Variants in SLC30A9 observed in about 807,000 individuals in gnomAD.
SLC30A9 encodes the protein solute carrier family 30 member 9, also known as proton-coupled zinc antiporter SLC30A9, mitochondrial.
SLC30A9 carries 58 observed loss-of-function variants against 87.5 expected under a neutral mutation model. That is an observed-to-expected ratio of 0.66 (90% CI 0.54 to 0.82). The LOEUF is 0.82. Ranked by LOEUF, SLC30A9 falls within the 40% of genes least tolerant of loss-of-function variation. The probability of loss-of-function intolerance (pLI) is 0.00; values close to 1 mark genes in which losing one functional copy is unlikely to be tolerated. For synonymous variants in SLC30A9, 234 were observed against 233.0 expected (o/e 1.00, Z -0.04); for missense variants, 557 against 679.1 (o/e 0.82, Z 2.00).
intron 8 of SLC30A9, among the ~76,000 whole-genome samples, chr4:42,039,886 TTAAA>T (rs1472849005): frequency 1.5e-5 from 2 of 131,706 alleles, no homozygotes; most frequent in East Asian, 2.6e-4. Flanking sequence ...TCTTTTATTC[TTAAA>T]TATATATATG....
In SLC30A9 at chr4:42,066,590, T is replaced by C. The variant is rs1239470214; in HGVS notation, c.1113T>C (p.Ala371=). The part of the protein sequence containing the change: ...LVAVNELRRN[A]RAKGMSFYKY... ...CTGTAAATGAACTTCGTAGGAATGC[T>C]CGGGCTAAAGGAATGTCATTTTACA... is the stretch of plus-strand genomic sequence containing the variant. Residue 371 remains alanine, a synonymous_variant, in exon 13 of 18, where the codon GCT becomes GCC. Coordinates refer to ENST00000264451, the MANE Select transcript of SLC30A9 (RefSeq NM_006345.4). The C allele has an allele frequency of 6.2e-7, 1 of 1,607,160 alleles. No homozygotes were observed. Among genetic ancestry groups the C allele is most frequent in the Non-Finnish European group, 8.5e-7 (1 of 1,175,940 alleles).
intron 1 of SLC30A9, among the ~76,000 whole-genome samples, chr4:42,000,304 C>T (rs1429312549): frequency 6.6e-6 from 1 of 152,058 alleles, no homozygotes; most frequent in African/African-American, 2.4e-5. Flanking sequence ...TAGGGCTGAA[C>T]AGTCAGAACA....
At chr4:42,024,499 TAGAA>T (rs1257200041) in intron 6 of SLC30A9, among the ~76,000 whole-genome samples, 3 of 152,362 alleles carry the variant, frequency 2.0e-5, no homozygotes, top group East Asian at 3.9e-4. Flanking sequence ...TTTTCACTGT[TAGAA>T]AGAATACATC....
At chr4:42,047,408 A>T (rs1256390653) in intron 8 of SLC30A9, among the ~76,000 whole-genome samples, 1 of 152,260 alleles carries the variant, frequency 6.6e-6, no homozygotes, top group South Asian at 2.1e-4. Flanking sequence ...TGCATCAAAA[A>T]GTGGGTGAAG....
intron 15 of SLC30A9, among the ~76,000 whole-genome samples, chr4:42,075,169 G>A (rs1718500664): frequency 7.2e-6 from 1 of 137,988 alleles, no homozygotes; most frequent in Admixed American, 7.7e-5. Context: ...TGCCTCCCAG[G>A]TTCAAGCAAT....
At chr4:42,039,785 CT>C (rs1351869417) in intron 8 of SLC30A9, among the ~76,000 whole-genome samples, 1 of 152,008 alleles carries the variant, frequency 6.6e-6, no homozygotes, top group Non-Finnish European at 1.5e-5. Flanking sequence ...TTCCCTCTAT[CT>C]TCTTGATTCC....
At chr4:42,040,327 A>G (rs538821328) in intron 8 of SLC30A9, among the ~76,000 whole-genome samples, 1 of 152,244 alleles carries the variant, frequency 6.6e-6, no homozygotes, top group Admixed American at 6.5e-5. Flanking sequence ...AGTGCTTAAC[A>G]TAGTACCTGC....
rs989797571 is a variant in SLC30A9, at chr4:42,079,765, G to A, written c.1662+1440G>A. ...TGGGATAACAGGCACCCACCACCAC[G>A]CCTGGCTAATTTTTGTTTTGTTTTG... On this transcript the variant is annotated intron_variant, in intron 17 of 17. Transcript: ENST00000264451. Among the ~76,000 whole-genome samples, 8 of 151,838 alleles carry A rather than the reference G, an allele frequency of 5.3e-5. No individual in the cohort carries two copies. In the East Asian group the frequency reaches 9.7e-4, roughly 18 times the overall value.
In SLC30A9 at chr4:42,049,013, A is replaced by G. The variant is rs112199491; in HGVS notation, c.738-364A>G. Among the ~76,000 whole-genome samples, 170 of 152,268 alleles carry G rather than the reference A, an allele frequency of 1.1e-3. 1 individual carries two copies. The highest frequency in any genetic ancestry group is 3.9e-3 in the African/African-American group (163 of 41,552). On this transcript the variant is annotated intron_variant, in intron 8 of 17. Coordinates refer to ENST00000264451, the MANE Select transcript of SLC30A9 (RefSeq NM_006345.4). The stretch of plus-strand genomic sequence containing the variant: ...GGTCTCACTCTCTTGCCTAGGCTGG[A>G]GTGCAGTGGCACGATCATAGCTCAC...
intron 6 of SLC30A9, chr4:42,029,185 G>T: frequency 1.1e-5 from 4 of 373,842 alleles, no homozygotes; most frequent in South Asian, 9.1e-5. Context: ...TTCCGACTGC[G>T]GCAGCTGCTG....
rs190840213 is a variant in SLC30A9 at position 41,996,500 on chromosome 4, A to G, written c.110-5116A>G. 1.9e-3 allele frequency among the ~76,000 whole-genome samples: 291 copies of G among 151,460 alleles called. 1 individual carries two copies. The highest frequency in any genetic ancestry group is 6.8e-3 in the African/African-American group (281 of 41,264). Reference sequence around the variant, plus strand: ...GCCTGTAATCCCAGCAAAATTTGGGAGGCCAAGGTAGGTAGATAACTTGAG... The same window carrying G: ...GCCTGTAATCCCAGCAAAATTTGGGGGGCCAAGGTAGGTAGATAACTTGAG... On this transcript the variant is annotated intron_variant, in intron 1 of 17. Coordinates refer to ENST00000264451, the MANE Select transcript of SLC30A9 (RefSeq NM_006345.4).
At chr4:42,082,112 G>T (rs1231806183) in intron 17 of SLC30A9, among the ~76,000 whole-genome samples, 2 of 151,920 alleles carry the variant, frequency 1.3e-5, no homozygotes, top group African/African-American at 4.8e-5. Context: ...AGCTACTCCG[G>T]AGGCTGAGGC....
rs1271236179 is a variant in SLC30A9 at position 42,087,719 on chromosome 4, T to TA, written c.*1594dup. On this transcript the variant is annotated 3_prime_UTR_variant, in exon 18 of 18. Coordinates refer to ENST00000264451, the MANE Select transcript of SLC30A9 (RefSeq NM_006345.4). The stretch of plus-strand genomic sequence containing the variant: ...TATATATAATTTGATACTCTATTCT[T>TA]ACAGTTTCAAATTCCTTATCCCTTC... 3 of 151,606 alleles carry TA rather than the reference T, an allele frequency of 2.0e-5. No homozygotes were observed. The highest frequency in any genetic ancestry group is 1.3e-4 in the Admixed American group (2 of 15,232). 9.4% of individuals were successfully genotyped at this position (151,606 alleles called of 1,614,324 possible). A position where few individuals can be genotyped will look rare whatever the true frequency, so the allele number is the denominator to read the frequency against.
At chr4:42,071,982 TTGTC>T (rs35974827) in intron 15 of SLC30A9, among the ~76,000 whole-genome samples, 90,450 of 151,760 alleles carry the variant, frequency 0.6, 32,619 homozygotes, top group East Asian at 0.95. Flanking sequence ...TCTGTTCAGA[TTGTC>T]TGTTTCTTCT....
intron 9 of SLC30A9, among the ~76,000 whole-genome samples, chr4:42,051,097 C>A (rs1156908513): frequency 6.6e-6 from 1 of 152,168 alleles, no homozygotes; most frequent in Non-Finnish European, 1.5e-5. Context: ...CCACTGCTCA[C>A]ACAAAGCTAG....
chr4:42,009,998 G>T (rs969261611), intron 2 of SLC30A9, among the ~76,000 whole-genome samples: 8 of 152,190 alleles, frequency 5.3e-5, no homozygotes, highest in African/African-American at 1.9e-4. Flanking sequence ...GAATTTGCTT[G>T]CTGTGTAGCG....
intron 6 of SLC30A9, among the ~76,000 whole-genome samples, 176 bp downstream of exon 6, chr4:42,023,560 T>C (rs1343865260): frequency 6.6e-6 from 1 of 152,224 alleles, no homozygotes; most frequent in Non-Finnish European, 1.5e-5. Context: ...ACTGTATTTT[T>C]GTTTTCTCCT....
intron 15 of SLC30A9, among the ~76,000 whole-genome samples, chr4:42,071,840 C>G (rs1718323746): frequency 6.6e-6 from 1 of 152,142 alleles, no homozygotes; most frequent in African/African-American, 2.4e-5. Context: ...GGGAAATGTT[C>G]TCTCCTATTT....
chr4:42,087,324 T>C lies in SLC30A9; in HGVS notation c.*1198T>C, dbSNP rs911491576. 1 of 152,204 alleles carries C rather than the reference T, an allele frequency of 6.6e-6. No homozygotes were observed. Among genetic ancestry groups the C allele is most frequent in the East Asian group, 1.9e-4 (1 of 5,204 alleles). 9.4% of individuals were successfully genotyped at this position (152,204 alleles called of 1,614,324 possible). On this transcript the variant is annotated 3_prime_UTR_variant, in exon 18 of 18. Transcript: ENST00000264451. ...CATCAAAACAACTCATAACATACTT[T>C]AAAATGTTCAGGTAGCAGTGAGCAT...
Sources: gnomAD v4.1 joint callset for allele counts (sites outside exome capture counted in the v4.1 genomes callset) on GRCh38, gnomAD v4.1.1 for gene constraint, MANE v1.5 for transcripts, NCBI Gene and HGNC (gene_info 2026-07-23, HGNC 2026-07-21) for gene names.